The following COL6A5 variants were observed in gnomAD, a reference collection of about 807,000 sequenced individuals.
COL6A5 encodes collagen type VI alpha 5 chain, also known as collagen alpha-5(VI) chain.
In COL6A5, 48 loss-of-function variants were observed where a neutral mutation model predicts 65.6. The ratio of observed to expected loss-of-function variants is 0.73; its 90% confidence interval spans 0.58 to 0.93. The LOEUF (loss-of-function observed/expected upper bound fraction) is 0.93. Ranked by LOEUF, COL6A5 falls within the 40% of genes least tolerant of loss-of-function variation. The probability of loss-of-function intolerance (pLI) is 0.00; values close to 1 mark genes in which losing one functional copy is unlikely to be tolerated. For missense variants in COL6A5, 914 were observed against 928.3 expected, an observed-to-expected ratio of 0.98 and a Z score of 0.20; for synonymous variants, 291 against 322.8, an observed-to-expected ratio of 0.90 and a Z score of 1.05.
intron 4 of COL6A5, among the ~76,000 whole-genome samples, chr3:130,380,322 A>G (rs1935952372): frequency 6.6e-6 from 1 of 152,168 alleles, no homozygotes; most frequent in African/African-American, 2.4e-5. Flanking sequence ...TTGTAATAGT[A>G]TGGCTTGACA....
At position 130,398,991 on chromosome 3, in the gene COL6A5, A is replaced by G. The variant is rs189729015; in HGVS notation, c.3991+880A>G. 3.9e-5 allele frequency among the ~76,000 whole-genome samples: 6 copies of G among 152,364 alleles called. No homozygotes were observed. In the East Asian group the frequency reaches 1.2e-3, roughly 29 times the overall value. ...GTTCCTTCTTTTCCATATGAAAGAT[A>G]GCAACGTGGATTTGGAAAAGCACTT... On this transcript the variant is annotated intron_variant and NMD_transcript_variant, in intron 10 of 41. Transcript: ENST00000312481.
At chr3:130,428,795 T>C (rs1441720809), upstream of COL6A5, among the ~76,000 whole-genome samples, 1 of 152,156 alleles carries the variant, frequency 6.6e-6, no homozygotes, top group East Asian at 1.9e-4. Context: ...ACAAGAGGTG[T>C]TCACAAGGGT....
At position 130,388,591 on chromosome 3, in the gene COL6A5, A is replaced by G. The variant is rs1438273337; in HGVS notation, c.1873A>G (p.Met625Val). ...TTTATAACATGCAGGATGTGAAGAC[A>G]TGAAGGCCGACATCATGTTTCTGGT... Residue 625 changes from methionine to valine, a missense_variant and NMD_transcript_variant, in exon 6 of 42, where the codon ATG becomes GTG. Physicochemically the swap from Met to Val is conservative, Grantham distance 21. Coordinates refer to the COL6A5 transcript ENST00000312481. The G allele has an allele frequency of 1.9e-6, 3 of 1,542,350 alleles. No individual in the cohort carries two copies. Among genetic ancestry groups the G allele is most frequent in the East Asian group, 4.9e-5 (2 of 40,822 alleles).
chr3:130,392,760 A>G (rs1320386643), intron 7 of COL6A5, among the ~76,000 whole-genome samples: 1 of 152,192 alleles, frequency 6.6e-6, no homozygotes, highest in Non-Finnish European at 1.5e-5. Flanking sequence ...CCTGTGTCAG[A>G]TCAGCATTTG....
At chr3:130,449,037 A>G (rs1709368025) in intron 4 of COL6A5, among the ~76,000 whole-genome samples, 1 of 152,188 alleles carries the variant, frequency 6.6e-6, no homozygotes, top group Admixed American at 6.5e-5. Flanking sequence ...CTTTTTTACT[A>G]GAAACACAGG....
At chr3:130,415,998 T>C (rs1422346966) in intron 23 of COL6A5, among the ~76,000 whole-genome samples, 1 of 152,140 alleles carries the variant, frequency 6.6e-6, no homozygotes, top group Non-Finnish European at 1.5e-5. Flanking sequence ...CTCCAAAAAC[T>C]GATACATTAT....
chr3:130,424,203 A>G (rs960628753), intron 29 of COL6A5, among the ~76,000 whole-genome samples: 1 of 152,160 alleles, frequency 6.6e-6, no homozygotes, highest in Non-Finnish European at 1.5e-5. Flanking sequence ...AATAAAATAT[A>G]TAAAGTACAA....
intron 1 of COL6A5, among the ~76,000 whole-genome samples, chr3:130,347,994 C>G (rs1396228575): frequency 1.1e-4 from 17 of 152,182 alleles, no homozygotes; most frequent in Non-Finnish European, 1.3e-4. Context: ...GTTGCCCCAT[C>G]AATCCCTGGT....
intron 13 of COL6A5, 28 bp from the exon 14 acceptor site, chr3:130,405,560 G>T: frequency 6.5e-7 from 1 of 1,528,462 alleles, no homozygotes; most frequent in Non-Finnish European, 8.9e-7. Flanking sequence ...ACATCACTTT[G>T]GGTACCTGTC....
In COL6A5 at chr3:130,385,159, T is replaced by C. The variant is rs953017565; in HGVS notation, c.1656T>C (p.Asp552=). Residue 552 remains aspartate (D), a synonymous_variant and NMD_transcript_variant, in exon 5 of 42, where the codon GAT becomes GAC. Coordinates refer to the COL6A5 transcript ENST00000312481. Reference sequence around the variant, plus strand: ...CCTGTTACCTCATTGTGTTGACTGATGGGATGTCCACAGACAGAGTCGTGG... The same window carrying C: ...CCTGTTACCTCATTGTGTTGACTGACGGGATGTCCACAGACAGAGTCGTGG... The C allele has an allele frequency of 3.2e-6, 5 of 1,550,994 alleles. No individual in the cohort carries two copies. The East Asian group carries it at 1.2e-4, about 38-fold the overall frequency.
intron 11 of COL6A5, 42 bp from the exon 12 acceptor site, chr3:130,401,720 C>G: frequency 7.2e-7 from 1 of 1,398,598 alleles, no homozygotes; most frequent in Non-Finnish European, 9.9e-7. Flanking sequence ...AATAAAGTTT[C>G]TGACAATTGC....
intron 4 of COL6A5, among the ~76,000 whole-genome samples, chr3:130,450,750 C>T (rs888071946): frequency 2.6e-5 from 4 of 152,056 alleles, no homozygotes; most frequent in Non-Finnish European, 5.9e-5. Context: ...CCTTGTTTAA[C>T]CATGGTAAAA....
intron 1 of COL6A5, among the ~76,000 whole-genome samples, chr3:130,439,096 C>T (rs527962830): frequency 2.6e-5 from 4 of 152,170 alleles, no homozygotes; most frequent in Admixed American, 6.5e-5. Flanking sequence ...AGCTTGGGAA[C>T]GTACAATTTC....
chr3:130,409,423 A>G (rs1437834889), intron 18 of COL6A5, 35 bp downstream of exon 18: 18 of 1,508,270 alleles, frequency 1.2e-5, no homozygotes, highest in Non-Finnish European at 1.6e-5. Flanking sequence ...TCTGAATTTT[A>G]TACTTGCTCC....
chr3:130,449,745 C>T (rs1337062618), intron 4 of COL6A5, among the ~76,000 whole-genome samples: 1 of 152,108 alleles, frequency 6.6e-6, no homozygotes, highest in Non-Finnish European at 1.5e-5. Flanking sequence ...GCCTTATCTC[C>T]TTTGTTTAAA....
At chr3:130,477,239 C>T (rs1710122082) in intron 7 of COL6A5, 1 of 599,852 alleles carries the variant, frequency 1.7e-6, no homozygotes, top group Non-Finnish European at 2.9e-6. Flanking sequence ...TCAAAGTACA[C>T]ACTATGCGTG....
rs118154941 is a variant in COL6A5 at position 130,412,375 on chromosome 3, C to A, written c.4663-1170C>A. ...GCTGGGATTTGAACTCAGTCTGTCT[C>A]CCTCCAGAGTCTGGGCTGCTAACCA... On this transcript the variant is annotated intron_variant and NMD_transcript_variant, in intron 20 of 41. Coordinates refer to the COL6A5 transcript ENST00000312481. Among the ~76,000 whole-genome samples, 217 of 152,296 alleles carry A rather than the reference C, an allele frequency of 1.4e-3. 6 individuals carry two copies. The East Asian group carries it at 0.032, about 22-fold the overall frequency.
chr3:130,484,671 A>G (rs766982645), exon 8 of COL6A5: 8 of 390,798 alleles, frequency 2.0e-5, no homozygotes, highest in Non-Finnish European at 3.1e-5. Flanking sequence ...TTTATGAACC[A>G]TATTTTTTGC....
intron 4 of COL6A5, 57 bp from the exon 5 acceptor site, chr3:130,384,747 C>G (rs887141820): frequency 1.4e-6 from 2 of 1,394,614 alleles, no homozygotes; most frequent in African/African-American, 2.9e-5. Flanking sequence ...TTCACAAACC[C>G]TCTTGCAAAG....
Sources: allele counts gnomAD v4.1 joint callset (sites outside exome capture counted in the v4.1 genomes callset), GRCh38; gene constraint gnomAD v4.1.1; transcripts MANE v1.5; gene names NCBI Gene and HGNC (gene_info 2026-07-23, HGNC 2026-07-21).